The following BRAP variants were observed in gnomAD, a reference collection of about 807,000 sequenced individuals.
The protein encoded by BRAP is BRCA1-associated protein.
BRAP carries 42 observed loss-of-function variants against 73.4 expected under a neutral mutation model. The observed-to-expected ratio is 0.57, with a 90% CI of 0.45 to 0.74. The LOEUF is 0.74. Among genes scored for constraint, BRAP ranks in the 30% least tolerant of loss-of-function variants. BRAP has a pLI of 0.00. For synonymous variants in BRAP, 255 were observed against 267.4 expected (o/e 0.95, Z 0.45); for missense variants, 593 against 751.4 (o/e 0.79, Z 2.46).
chr12:111,673,124 T>G (rs1234817186), intron 4 of BRAP: 1 of 206,256 alleles, frequency 4.8e-6, no homozygotes, highest in Admixed American at 5.7e-5. Flanking sequence ...TAGTCATCAC[T>G]TGTGCAGCTG....
At chr12:111,669,981 C>T (rs1887106954) in intron 5 of BRAP, 1 of 650,290 alleles carries the variant, frequency 1.5e-6, no homozygotes, top group Non-Finnish European at 2.9e-6. Flanking sequence ...GTATCCCTTC[C>T]AATATTCTTC....
rs79921733 is a variant in BRAP, at chr12:111,665,442, A to G, written c.896+197T>C. Among the ~76,000 whole-genome samples the G allele has an allele frequency of 0.015, 2,324 of 152,284 alleles. 70 individuals carry two copies. The highest frequency in any genetic ancestry group is 0.053 in the African/African-American group (2,193 of 41,564). On this transcript the variant is annotated intron_variant, in intron 6 of 11. Coordinates refer to ENST00000419234, the MANE Select transcript of BRAP (RefSeq NM_006768.5). This position sits in a 1 kb window ranked among gnomAD's most constrained non-coding sequence, Gnocchi z 4.3. ...TCATGCTGCTTTGGGGAATTCCACA[A>G]GGGTTCAGAATCAGCATACTAAAAA...
At chr12:111,649,847 C>T in intron 11 of BRAP, 92 bp downstream of exon 11, 2 of 874,246 alleles carry the variant, frequency 2.3e-6, no homozygotes, top group East Asian at 2.5e-5. Flanking sequence ...CCTGGTGATA[C>T]ATATATTTGA....
intron 5 of BRAP, among the ~76,000 whole-genome samples, chr12:111,666,722 G>A (rs903834085): frequency 2.0e-5 from 3 of 152,168 alleles, no homozygotes; most frequent in Non-Finnish European, 4.4e-5. Context: ...CTTCCAGCCA[G>A]AAGACGAGAA....
intron 7 of BRAP, among the ~76,000 whole-genome samples, chr12:111,660,283 A>C (rs1886696824): frequency 6.6e-6 from 1 of 152,038 alleles, no homozygotes; most frequent in Non-Finnish European, 1.5e-5. Flanking sequence ...AAAAGGAATA[A>C]ATTTAGCTCA....
At chr12:111,661,463 G>A (rs142038347) in intron 6 of BRAP, among the ~76,000 whole-genome samples, 2,344 of 151,936 alleles carry the variant, frequency 0.015, 71 homozygotes, top group African/African-American at 0.053. Flanking sequence ...ATTTTTAGTA[G>A]AGACGGGGTT....
At position 111,685,882 on chromosome 12, in the gene BRAP, C is replaced by T; in HGVS notation, c.-90G>A. On this transcript the variant is annotated 5_prime_UTR_variant, in exon 1 of 12. Coordinates refer to ENST00000419234, the MANE Select transcript of BRAP (RefSeq NM_006768.5). ...GCCGAGCGGCCCGGGGCCGGCAGCG[C>T]CGCCACCACCTCAATGCAGTTGCCG... 2 of 861,376 alleles carry T rather than the reference C, an allele frequency of 2.3e-6. No individual in the cohort carries two copies. The highest frequency in any genetic ancestry group is 1.6e-6 in the Non-Finnish European group (1 of 623,952). 53.4% of individuals were successfully genotyped at this position (861,376 alleles called of 1,614,324 possible).
chr12:111,652,709 ATCTC>A (rs1211635044), intron 10 of BRAP, among the ~76,000 whole-genome samples: 3 of 149,772 alleles, frequency 2.0e-5, no homozygotes, highest in East Asian at 2.0e-4. Context: ...AGATTCCCCC[ATCTC>A]TCTCTCTTTT....
At position 111,665,509 on chromosome 12, in the gene BRAP, G is replaced by C. The variant is rs535429201; in HGVS notation, c.896+130C>G. 281 of 1,305,264 alleles carry C rather than the reference G, an allele frequency of 2.2e-4. 2 individuals are homozygous for C. The African/African-American group carries it at 3.7e-3, about 17-fold the overall frequency. The allele number at this position is 1,305,264 out of a possible 1,614,324, so 80.9% of individuals were successfully genotyped here. On this transcript the variant is annotated intron_variant, in intron 6 of 11. Transcript: ENST00000419234. This position sits in a 1 kb window ranked among gnomAD's most constrained non-coding sequence, Gnocchi z 4.3. ...ATGCCGATTCCCTGAACTTAGGAAA[G>C]GGAAGGAGAAAAAGGACCTCTTGAA... is the stretch of plus-strand genomic sequence containing the variant.
At chr12:111,685,053 C>T (rs1462153279) in intron 1 of BRAP, among the ~76,000 whole-genome samples, 2 of 152,230 alleles carry the variant, frequency 1.3e-5, no homozygotes, top group Non-Finnish European at 1.5e-5. Flanking sequence ...GGAGCTTCCT[C>T]ACTTGTGTTA....
Position 111,683,313 on chromosome 12 carries a change from G to A in BRAP, c.83-6C>T. 1 of 1,606,664 alleles carries A rather than the reference G, an allele frequency of 6.2e-7. No individual in the cohort carries two copies. Among genetic ancestry groups the A allele is most frequent in the African/African-American group, 1.3e-5 (1 of 74,426 alleles). On this transcript the variant is annotated splice_polypyrimidine_tract_variant and splice_region_variant and intron_variant, in intron 1 of 11. Coordinates refer to ENST00000419234, the MANE Select transcript of BRAP (RefSeq NM_006768.5). ...CTCATCAGACATTTCCCCGGCTAAA[G>A]AACACATGAATGATTAATACAAGGT...
intron 10 of BRAP, among the ~76,000 whole-genome samples, chr12:111,651,110 A>T (rs1048109991): frequency 3.3e-5 from 5 of 152,154 alleles, no homozygotes; most frequent in Admixed American, 6.6e-5. Flanking sequence ...AAGGCAATAT[A>T]ACAGGAACTG....
Position 111,644,221 on chromosome 12 carries a change from C to T in BRAP, c.1757G>A (p.Gly586Asp). ...AGGTCACTTGCCCCTCTTGCTGCGG[C>T]CCTTCCTGGAGGGCAACTTCCCACT... The part of the protein sequence containing the change: ...GGSGKLPSRK[G>D]RSKRGK The change falls in exon 12 of 12, where the codon GGC becomes GAC. Residue 586 changes from glycine to aspartate, a missense_variant. Gly to Asp is a moderately conservative substitution (Grantham distance 94). Transcript: ENST00000419234. The T allele has an allele frequency of 6.2e-7, 1 of 1,612,332 alleles. No homozygotes were observed. The highest frequency in any genetic ancestry group is 1.7e-4 in the Middle Eastern group (1 of 6,026).
At chr12:111,671,540 ACT>A (rs1708053212) in intron 5 of BRAP, among the ~76,000 whole-genome samples, 1 of 150,748 alleles carries the variant, frequency 6.6e-6, no homozygotes, top group Non-Finnish European at 1.5e-5. Context: ...ACAGAGTGAC[ACT>A]CTGTCTCCAA....
chr12:111,684,871 G>A (rs1887745891), intron 1 of BRAP, among the ~76,000 whole-genome samples: 1 of 152,180 alleles, frequency 6.6e-6, no homozygotes, highest in African/African-American at 2.4e-5. Flanking sequence ...GTTTCACCAT[G>A]TTGGCCAGGC....
chr12:111,655,696 T>C, intron 9 of BRAP, 41 bp from the exon 10 acceptor site: 1 of 1,469,094 alleles, frequency 6.8e-7, no homozygotes, highest in South Asian at 1.1e-5. Flanking sequence ...TAAGTCACTG[T>C]TGTCAGCCTC....
In BRAP at chr12:111,644,820, G is replaced by A. The variant is rs544783012; in HGVS notation, c.1416-258C>T. On this transcript the variant is annotated intron_variant, in intron 11 of 11. Coordinates refer to ENST00000419234, the MANE Select transcript of BRAP (RefSeq NM_006768.5). ...TGCCCAGGCTGGAATGCAATGGCACGATCTCAGCTCACTGCAACCTCCACC... is the reference window on the plus strand; with the variant it reads ...TGCCCAGGCTGGAATGCAATGGCACAATCTCAGCTCACTGCAACCTCCACC... Among the ~76,000 whole-genome samples, 22 of 152,168 alleles carry A rather than the reference G, an allele frequency of 1.4e-4. No homozygotes were observed. The South Asian group carries it at 4.1e-3, about 29-fold the overall frequency.
chr12:111,676,420 ATTTT>A (rs920819897), intron 4 of BRAP, among the ~76,000 whole-genome samples: 6 of 146,642 alleles, frequency 4.1e-5, no homozygotes, highest in African/African-American at 1.5e-4. Flanking sequence ...AATACATGGC[ATTTT>A]TTTTTTTGAG....
In BRAP at chr12:111,685,844, G is replaced by A. The variant is rs1224096391; in HGVS notation, c.-52C>T. The A allele has an allele frequency of 1.4e-6, 2 of 1,391,706 alleles. No individual in the cohort carries two copies. Among genetic ancestry groups the A allele is most frequent in the Non-Finnish European group, 1.9e-6 (2 of 1,064,828 alleles). The allele number at this position is 1,391,706 out of a possible 1,614,324, so 86.2% of individuals were successfully genotyped here. A position where few individuals can be genotyped will look rare whatever the true frequency, so the allele number is the denominator to read the frequency against. On this transcript the variant is annotated 5_prime_UTR_variant, in exon 1 of 12. Coordinates refer to ENST00000419234, the MANE Select transcript of BRAP (RefSeq NM_006768.5). ...CCGGCGGGCTCAGGCGAGGCTGGAA[G>A]GCGAGCCGAGAGGCCGAGCGGCCCG... is the stretch of plus-strand genomic sequence containing the variant.
Sources: allele counts gnomAD v4.1 joint callset (sites outside exome capture counted in the v4.1 genomes callset), GRCh38; gene constraint gnomAD v4.1.1; non-coding constraint Gnocchi (gnomAD v3.1); transcripts MANE v1.5; gene names NCBI Gene and HGNC (gene_info 2026-07-23, HGNC 2026-07-21).